The following RAB38 variants were observed in gnomAD, a reference collection of about 807,000 sequenced individuals.
RAB38 encodes the protein RAB38, member RAS oncogene family.
A neutral mutation model predicts 18.4 loss-of-function variants in RAB38; 15 were observed. That is an observed-to-expected ratio of 0.82 (90% CI 0.55 to 1.26). The LOEUF (loss-of-function observed/expected upper bound fraction) is 1.26, where lower values mean the gene tolerates loss of function less well. RAB38 is among the 50% of genes most tolerant of loss of function. RAB38 has a pLI of 0.00. For synonymous variants in RAB38, 101 were observed against 104.4 expected, an observed-to-expected ratio of 0.97 and a Z score of 0.20; for missense variants, 294 against 267.4, an observed-to-expected ratio of 1.10 and a Z score of -0.69.
chr11:88,069,285 C>T, the RAB38 span, among the ~76,000 whole-genome samples: 1 of 152,212 alleles, frequency 6.6e-6, no homozygotes, highest in South Asian at 2.1e-4. Context: ...GCCACCTCCC[C>T]ACGGGGGCAG....
At chr11:87,926,452 G>C in the RAB38 span, among the ~76,000 whole-genome samples, 2 of 152,026 alleles carry the variant, frequency 1.3e-5, no homozygotes, top group Non-Finnish European at 2.9e-5. Context: ...TGTAAAATGA[G>C]AACACTGAAT....
chr11:87,864,066 A>G, the RAB38 span, among the ~76,000 whole-genome samples: 1 of 151,648 alleles, frequency 6.6e-6, no homozygotes. Flanking sequence ...ACATGCCACA[A>G]TACATGTGGG....
the RAB38 span, among the ~76,000 whole-genome samples, chr11:87,940,498 ATG>A: frequency 6.6e-6 from 1 of 152,106 alleles, no homozygotes; most frequent in Non-Finnish European, 1.5e-5. Flanking sequence ...GGAAATTGAT[ATG>A]TGTCTGCCTG....
the RAB38 span, among the ~76,000 whole-genome samples, chr11:87,833,867 C>G: frequency 6.6e-6 from 1 of 152,200 alleles, no homozygotes. Flanking sequence ...ATCCCAAAAC[C>G]TGTGAATATG....
At chr11:87,863,621 G>GC in the RAB38 span, among the ~76,000 whole-genome samples, 12 of 151,818 alleles carry the variant, frequency 7.9e-5, no homozygotes, top group African/African-American at 2.9e-4. Flanking sequence ...TAAAAACCTG[G>GC]AGACCTAAAG....
At chr11:88,026,964 T>C in the RAB38 span, among the ~76,000 whole-genome samples, 2 of 152,212 alleles carry the variant, frequency 1.3e-5, no homozygotes, top group Non-Finnish European at 2.9e-5. Flanking sequence ...TTCAGTTCAA[T>C]GTTTATATAT....
the RAB38 span, among the ~76,000 whole-genome samples, chr11:88,054,771 G>A: frequency 6.6e-6 from 1 of 152,166 alleles, no homozygotes; most frequent in African/African-American, 2.4e-5. Context: ...ATTTGAGGTG[G>A]GAACAGGTTT....
the RAB38 span, among the ~76,000 whole-genome samples, chr11:88,065,852 A>G: frequency 6.6e-6 from 1 of 152,168 alleles, no homozygotes; most frequent in Non-Finnish European, 1.5e-5. Flanking sequence ...TCTCCCTTCG[A>G]TTTGGTCAAT....
the RAB38 span, among the ~76,000 whole-genome samples, chr11:87,882,007 C>G: frequency 1.3e-5 from 2 of 151,846 alleles, no homozygotes; most frequent in South Asian, 2.1e-4. Flanking sequence ...TAATGCCACT[C>G]TAATCTCCCC....
At chr11:88,078,024 C>T in the RAB38 span, among the ~76,000 whole-genome samples, 2 of 151,938 alleles carry the variant, frequency 1.3e-5, no homozygotes, top group Admixed American at 6.6e-5. Flanking sequence ...TATGAATATA[C>T]ATTACTCAAA....
the RAB38 span, among the ~76,000 whole-genome samples, chr11:88,054,862 TG>T: frequency 6.6e-6 from 1 of 152,210 alleles, no homozygotes; most frequent in Non-Finnish European, 1.5e-5. Flanking sequence ...AAGTCTACCA[TG>T]GTCCTAAGAC....
the RAB38 span, among the ~76,000 whole-genome samples, chr11:87,893,371 C>CATATATATATATATGTATATATATATAT: frequency 4.6e-5 from 4 of 86,448 alleles, no homozygotes; most frequent in Non-Finnish European, 4.3e-5. Context: ...ATATATTTTA[C>CATATATATATATATGTATATATATATAT]ATATATATAT....
chr11:88,088,740 G>A, the RAB38 span, among the ~76,000 whole-genome samples: 1 of 151,782 alleles, frequency 6.6e-6, no homozygotes, highest in Non-Finnish European at 1.5e-5. Flanking sequence ...ATGAAGGTGG[G>A]CAGGTATCAT....
the RAB38 span, among the ~76,000 whole-genome samples, chr11:87,879,251 CATAA>C: frequency 1.3e-5 from 2 of 151,416 alleles, no homozygotes; most frequent in African/African-American, 4.8e-5. Flanking sequence ...TGTATACACT[CATAA>C]ATATTTTCTT....
the RAB38 span, among the ~76,000 whole-genome samples, chr11:87,914,333 C>A: frequency 3.9e-5 from 6 of 152,174 alleles, 1 homozygote; most frequent in South Asian, 1.2e-3. Flanking sequence ...GCAAAGGTCA[C>A]CCTTGTTACA....
the RAB38 span, among the ~76,000 whole-genome samples, chr11:88,061,133 A>G: frequency 6.6e-6 from 1 of 152,218 alleles, no homozygotes; most frequent in South Asian, 2.1e-4. Context: ...TATAACAACA[A>G]TCATGCGATA....
chr11:87,839,787 G>C, the RAB38 span, among the ~76,000 whole-genome samples: 2 of 152,138 alleles, frequency 1.3e-5, no homozygotes, highest in Non-Finnish European at 2.9e-5. Context: ...AATTTCTCCA[G>C]CACCATCCAT....
the RAB38 span, among the ~76,000 whole-genome samples, chr11:87,977,271 T>A: frequency 1.5e-5 from 2 of 129,852 alleles, no homozygotes; most frequent in Non-Finnish European, 1.6e-5. Flanking sequence ...TATACAAGTA[T>A]ATTATAAAAT....
chr11:88,069,171 G>T, the RAB38 span, among the ~76,000 whole-genome samples: 1 of 152,242 alleles, frequency 6.6e-6, no homozygotes, highest in African/African-American at 2.4e-5. Flanking sequence ...TGGCTCTGGG[G>T]AAGTGAGGGG....
Sources: allele counts gnomAD v4.1 joint callset (sites outside exome capture counted in the v4.1 genomes callset), GRCh38; gene constraint gnomAD v4.1.1; transcripts MANE v1.5; gene names NCBI Gene and HGNC (gene_info 2026-07-23, HGNC 2026-07-21).